Variants in ADGRG1 observed in about 807,000 individuals in gnomAD.
The protein encoded by ADGRG1 is 7-transmembrane protein with no EGF-like N-terminal domains-1.
A neutral mutation model predicts 73.5 loss-of-function variants in ADGRG1; 53 were observed. The observed-to-expected ratio is 0.72, with a 90% CI of 0.58 to 0.91. The LOEUF (loss-of-function observed/expected upper bound fraction) is 0.91. ADGRG1 is among the 40% of genes least tolerant of loss of function. The pLI, the probability that ADGRG1 is intolerant of heterozygous loss-of-function variation, is 0.00. For missense variants in ADGRG1, 795 were observed against 871.8 expected (o/e 0.91, Z 1.11); for synonymous variants, 394 against 374.4 (o/e 1.05, Z -0.60).
intron 5 of ADGRG1, among the ~76,000 whole-genome samples, chr16:57,654,551 G>A (rs1422350001): frequency 2.6e-5 from 4 of 151,960 alleles, no homozygotes; most frequent in Non-Finnish European, 4.4e-5. Flanking sequence ...TGAGCAGCTG[G>A]GACTGCAGGC....
At chr16:57,644,199 C>T in intron 1 of ADGRG1, 1 of 985,196 alleles carries the variant, frequency 1.0e-6, no homozygotes, top group Non-Finnish European at 1.2e-6. Flanking sequence ...CCCATGCATC[C>T]CTGTGTATGC....
At chr16:57,655,662 G>A in intron 6 of ADGRG1, 132 bp downstream of exon 6, 1 of 1,584,450 alleles carries the variant, frequency 6.3e-7, no homozygotes, top group South Asian at 1.1e-5. Flanking sequence ...AAATTGCACT[G>A]CAATGTGCAA....
chr16:57,660,962 C>A, intron 12 of ADGRG1, 86 bp downstream of exon 12: 2 of 821,754 alleles, frequency 2.4e-6, no homozygotes, highest in South Asian at 1.4e-5. Flanking sequence ...TCATGCTGGC[C>A]AGGGGACACC....
At chr16:57,630,225 A>G (rs938083953) in intron 1 of ADGRG1, 2 of 442,056 alleles carry the variant, frequency 4.5e-6, no homozygotes, top group African/African-American at 4.3e-5. Context: ...CCTTGGGGTC[A>G]GAGACTGTGT....
chr16:57,643,883 G>A, intron 1 of ADGRG1: 42 of 973,568 alleles, frequency 4.3e-5, no homozygotes, highest in Non-Finnish European at 4.9e-5. Flanking sequence ...ACCCATGGGT[G>A]CGGCTGAGGG....
chr16:57,622,560 T>C (rs1209550438), intron 2 of ADGRG1, among the ~76,000 whole-genome samples: 1 of 152,090 alleles, frequency 6.6e-6, no homozygotes, highest in Non-Finnish European at 1.5e-5. Context: ...CCGTGCACAC[T>C]GCAAGAGGGG....
At chr16:57,652,259 T>TC in intron 3 of ADGRG1, 1 of 473,774 alleles carries the variant, frequency 2.1e-6, no homozygotes, top group Non-Finnish European at 2.8e-6. Flanking sequence ...TCAGCACCAT[T>TC]AAATGCTGAA....
chr16:57,619,891 G>C (rs559618238), upstream of ADGRG1: 3 of 152,414 alleles, frequency 2.0e-5, no homozygotes, highest in Non-Finnish European at 4.4e-5. Context: ...GGTGAGGGGT[G>C]GGGGGACTCA....
intron 1 of ADGRG1, chr16:57,647,203 C>G (rs2042881284): frequency 1.0e-6 from 1 of 985,378 alleles, no homozygotes; most frequent in Non-Finnish European, 1.2e-6. Context: ...ACTTTCTTGT[C>G]CCCAGCCCAG....
At chr16:57,646,331 GA>G in intron 1 of ADGRG1, 1 of 948,044 alleles carries the variant, frequency 1.1e-6, no homozygotes, top group Non-Finnish European at 1.3e-6. Flanking sequence ...TCTGGAGCTG[GA>G]GCCCTGGGGG....
upstream of ADGRG1, chr16:57,628,097 G>C: frequency 1.0e-6 from 1 of 984,492 alleles, no homozygotes; most frequent in South Asian, 4.7e-5. Flanking sequence ...CCGGTCAGTC[G>C]TGCGTGGCCT....
rs764570782 is a variant in ADGRG1 at position 57,628,901 on chromosome 16, AGT to A, written c.-36+103_-36+104del. On this transcript the variant is annotated intron_variant, in intron 1 of 13. Transcript: ENST00000562631. ...GAGTGTGTGAGAGTGTGAGTGTGTGAGTGTGAGTGTGTGAGAGTGAGTGTGAG... is the reference window on the plus strand; with the variant it reads ...GAGTGTGTGAGAGTGTGAGTGTGTGAGTGAGTGTGTGAGAGTGAGTGTGAG... 3.4e-5 allele frequency: 30 copies of A among 876,054 alleles called. No homozygotes were observed. The African/African-American group carries it at 6.7e-4, about 19-fold the overall frequency. 54.3% of individuals were successfully genotyped at this position (876,054 alleles called of 1,614,324 possible).
At chr16:57,652,916 G>A (rs377298442) in intron 3 of ADGRG1, 13 of 1,283,138 alleles carry the variant, frequency 1.0e-5, no homozygotes, top group South Asian at 4.7e-5. Context: ...TCTCTGCTCC[G>A]TGTGTGTAGC....
intron 13 of ADGRG1, among the ~76,000 whole-genome samples, chr16:57,662,281 G>C (rs1471948525): frequency 6.6e-6 from 1 of 152,220 alleles, no homozygotes; most frequent in Admixed American, 6.5e-5. Context: ...CCAGATAGTA[G>C]GGACATCGTC....
rs986728583 is a variant in ADGRG1 at position 57,639,905 on chromosome 16, G to T, written c.-35-10348G>T. ...GTGGTGGCACTAGGGACCCTGGGGG[G>T]GTCAGATGGTACTCCAAGGGACTTG... is the stretch of plus-strand genomic sequence containing the variant. On this transcript the variant is annotated intron_variant, in intron 1 of 13. Coordinates refer to ENST00000562631, the MANE Select transcript of ADGRG1 (RefSeq NM_201525.4). 75 of 962,222 alleles carry T rather than the reference G, an allele frequency of 7.8e-5. No individual in the cohort carries two copies. The African/African-American group carries it at 1.2e-3, about 16-fold the overall frequency. The allele number at this position is 962,222 out of a possible 1,614,324, so 59.6% of individuals were successfully genotyped here. A position where few individuals can be genotyped will look rare whatever the true frequency, so the allele number is the denominator to read the frequency against.
chr16:57,660,588 T>C lies in ADGRG1; in HGVS notation c.1556-180T>C, dbSNP rs993434552. 2.1e-5 allele frequency: 19 copies of C among 898,930 alleles called. No individual in the cohort carries two copies. The African/African-American group carries it at 3.4e-4, about 16-fold the overall frequency. 55.7% of individuals were successfully genotyped at this position (898,930 alleles called of 1,614,324 possible). A position where few individuals can be genotyped will look rare whatever the true frequency, so the allele number is the denominator to read the frequency against. Reference sequence around the variant, plus strand: ...ATGGCATCCCCTTATAGGAAACCCATACTGGAATGGGGAGGGGGAGGGTCC... The same window carrying C: ...ATGGCATCCCCTTATAGGAAACCCACACTGGAATGGGGAGGGGGAGGGTCC... On this transcript the variant is annotated intron_variant, in intron 11 of 13. Transcript: ENST00000562631.
chr16:57,637,556 A>C (rs1304490143), intron 1 of ADGRG1: 2 of 985,318 alleles, frequency 2.0e-6, no homozygotes, highest in East Asian at 2.3e-4. Context: ...TCCGGCCAGC[A>C]AGCCTTGTGA....
At chr16:57,639,501 G>T (rs1205604178) in intron 1 of ADGRG1, 1 of 985,378 alleles carries the variant, frequency 1.0e-6, no homozygotes, top group Non-Finnish European at 1.2e-6. Flanking sequence ...CAGTGAGGGA[G>T]CAGTGGCTGG....
chr16:57,633,926 G>T (rs2038680805), intron 1 of ADGRG1: 1 of 206,952 alleles, frequency 4.8e-6, no homozygotes. Context: ...TCCAGCCTGG[G>T]ACTCCTTCAT....
Sources: allele counts gnomAD v4.1 joint callset (sites outside exome capture counted in the v4.1 genomes callset), GRCh38; gene constraint gnomAD v4.1.1; transcripts MANE v1.5; gene names NCBI Gene and HGNC (gene_info 2026-07-23, HGNC 2026-07-21).